Variants in TULP2 observed in about 807,000 individuals in gnomAD.
TULP2 encodes TUB like protein 2.
In TULP2, 64 loss-of-function variants were observed where a neutral mutation model predicts 60.3. That is an observed-to-expected ratio of 1.06 (90% CI 0.87 to 1.31). The LOEUF is 1.31. Among genes scored for constraint, TULP2 ranks in the 50% most tolerant of loss-of-function variants. The pLI is 0.00. For missense variants in TULP2, 652 were observed against 667.0 expected, an observed-to-expected ratio of 0.98 and a Z score of 0.25; for synonymous variants, 267 against 265.4, an observed-to-expected ratio of 1.01 and a Z score of -0.06.
At chr19:48,892,179 C>T (rs868562882) in intron 6 of TULP2, among the ~76,000 whole-genome samples, 3 of 152,212 alleles carry the variant, frequency 2.0e-5, no homozygotes, top group African/African-American at 4.8e-5. Flanking sequence ...TTACGGGTGT[C>T]GGGCTGGGGG....
intron 6 of TULP2, among the ~76,000 whole-genome samples, chr19:48,891,274 A>C (rs1454550706): frequency 6.8e-6 from 1 of 147,806 alleles, no homozygotes; most frequent in South Asian, 2.1e-4. Flanking sequence ...CAGTGAGCCG[A>C]GATTGTGCCA....
intron 6 of TULP2, among the ~76,000 whole-genome samples, chr19:48,892,527 G>A (rs1329528290): frequency 3.3e-5 from 5 of 150,450 alleles, no homozygotes; most frequent in Admixed American, 6.6e-5. Flanking sequence ...GGGGGGGGAC[G>A]GAGTCTTGCT....
intron 6 of TULP2, among the ~76,000 whole-genome samples, chr19:48,891,182 G>A (rs1382882530): frequency 6.6e-6 from 1 of 151,154 alleles, no homozygotes; most frequent in African/African-American, 2.4e-5. Flanking sequence ...AAATTAGCCG[G>A]GTGTGGTGGC....
At chr19:48,891,759 A>G (rs147108077) in intron 6 of TULP2, among the ~76,000 whole-genome samples, 12,438 of 152,170 alleles carry the variant, frequency 0.082, 1,604 homozygotes, top group African/African-American at 0.28. Context: ...ACCAGCGCTG[A>G]TCTCTGAGTT....
In TULP2 at chr19:48,888,125, G is replaced by T. The variant is rs267605577; in HGVS notation, c.773C>A (p.Ser258Tyr). The change falls in exon 8 of 13, where the codon TCC becomes TAC. Residue 258 changes from serine (S) to tyrosine (Y), a missense_variant. By Grantham distance (144) the Ser-to-Tyr change is moderately radical. Coordinates refer to ENST00000221399, the MANE Select transcript of TULP2 (RefSeq NM_003323.3). ...TDSDHMRHEA[S>Y]LAIRSPCPGL... ...AGGGCAGGGGGAGCGGATTGCCAAGGAGGCTTCGTGCCTCATATGGTCGCT... is the reference window on the plus strand; with the variant it reads ...AGGGCAGGGGGAGCGGATTGCCAAGTAGGCTTCGTGCCTCATATGGTCGCT... The T allele has an allele frequency of 6.2e-7, 1 of 1,614,206 alleles. No homozygotes were observed. The highest frequency in any genetic ancestry group is 1.7e-5 in the Admixed American group (1 of 60,016).
chr19:48,895,539 T>G (rs1263492885), intron 4 of TULP2, 36 bp from the exon 5 acceptor site: 1 of 1,578,406 alleles, frequency 6.3e-7, no homozygotes, highest in Admixed American at 1.8e-5. Flanking sequence ...GAAAACGATC[T>G]ACAAATTCCG....
In TULP2 at chr19:48,885,547, G is replaced by A; in HGVS notation, c.962C>T (p.Ala321Val). The stretch of plus-strand genomic sequence containing the variant: ...TTTGCTCCTTCTTCTCTTTCGCCCA[G>A]CCAGGAGGAAGCGCTATGGATGAGA... Reference protein sequence around the residue: ...TSDSLQRFLLAGRKRRRSKTS... With the variant: ...TSDSLQRFLLVGRKRRRSKTS... Residue 321 changes from alanine (A) to valine (V), a missense_variant, in exon 9 of 13, where the codon GCT (alanine) becomes GTT (valine). Transcript: ENST00000221399. The A allele has an allele frequency of 6.2e-7, 1 of 1,613,884 alleles. No homozygotes were observed. Among genetic ancestry groups the A allele is most frequent in the African/African-American group, 1.3e-5 (1 of 75,008 alleles).
At position 48,889,605 on chromosome 19, in the gene TULP2, A is replaced by T. The variant is rs141892843; in HGVS notation, c.541T>A (p.Ser181Thr). The T allele has an allele frequency of 1.5e-4, 240 of 1,585,250 alleles. No individual in the cohort carries two copies. The African/African-American group carries it at 2.8e-3, about 19-fold the overall frequency. The stretch of plus-strand genomic sequence containing the variant: ...TTGTGTGCATCTCCCATATCCTGGG[A>T]GTCACTCTCACCCTCTGCACGGGTC... ...PGTRAEGESDSQDMGDAHKSP... is the reference protein window; with the variant it reads ...PGTRAEGESDTQDMGDAHKSP... Residue 181 changes from serine (S) to threonine (T), a missense_variant, in exon 7 of 13, where the codon TCC becomes ACC. Physicochemically the swap from Ser to Thr is moderately conservative, Grantham distance 58. Transcript: ENST00000221399.
intron 6 of TULP2, among the ~76,000 whole-genome samples, chr19:48,893,360 ACT>A (rs2037250775): frequency 6.7e-6 from 1 of 148,554 alleles, no homozygotes; most frequent in Admixed American, 6.8e-5. Context: ...ACAGAGCAAG[ACT>A]CTGCCTCAAG....
intron 8 of TULP2, among the ~76,000 whole-genome samples, chr19:48,887,240 T>C (rs1487605696): frequency 6.7e-6 from 1 of 148,358 alleles, no homozygotes; most frequent in East Asian, 2.0e-4. Context: ...CTCGAACTCC[T>C]GACCTTGTGA....
chr19:48,883,008 A>T (rs1315736833), intron 11 of TULP2, among the ~76,000 whole-genome samples: 1 of 152,174 alleles, frequency 6.6e-6, no homozygotes, highest in Admixed American at 6.6e-5. Flanking sequence ...TCACGAGGTC[A>T]GGAGATCGAG....
intron 6 of TULP2, 27 bp downstream of exon 6, chr19:48,894,971 G>C: frequency 1.3e-6 from 2 of 1,596,854 alleles, no homozygotes. Context: ...GAGATCCCAG[G>C]TTTCACCCCA....
intron 12 of TULP2, 67 bp from the exon 13 acceptor site, chr19:48,881,193 C>CTTTTTTTTTTTT (rs749458605): frequency 3.5e-6 from 1 of 282,122 alleles, no homozygotes; most frequent in Non-Finnish European, 6.0e-6. Context: ...AGAACTGAGA[C>CTTTTTTTTTTTT]TTTTTTTTTT....
intron 8 of TULP2, 147 bp downstream of exon 8, chr19:48,887,803 C>A: frequency 1.2e-6 from 1 of 821,656 alleles, no homozygotes. Context: ...GGTGATCCAC[C>A]CGCTTCAGCC....
Position 48,896,572 on chromosome 19 carries a change from A to C in TULP2, c.85-16T>G, listed in dbSNP as rs765922948. 6.3e-7 allele frequency: 1 copy of C among 1,582,140 alleles called. No individual in the cohort carries two copies. Among genetic ancestry groups the C allele is most frequent in the South Asian group, 1.1e-5 (1 of 87,412 alleles). ...ACAGCCGCCGCTGGGGAGATGGGAG[A>C]GGTGGGTGTCCGGGACAGGAACCAG... is the stretch of plus-strand genomic sequence containing the variant. On this transcript the variant is annotated splice_polypyrimidine_tract_variant and intron_variant, in intron 3 of 12. Coordinates refer to ENST00000221399, the MANE Select transcript of TULP2 (RefSeq NM_003323.3).
intron 6 of TULP2, among the ~76,000 whole-genome samples, chr19:48,890,228 T>C (rs1407134626): frequency 2.6e-5 from 4 of 152,140 alleles, no homozygotes; most frequent in Non-Finnish European, 4.4e-5. Context: ...GGGCTGGAGG[T>C]GGGACATGCG....
intron 7 of TULP2, among the ~76,000 whole-genome samples, chr19:48,889,190 G>A (rs563973942): frequency 6.6e-6 from 1 of 151,420 alleles, no homozygotes; most frequent in South Asian, 2.1e-4. Flanking sequence ...TGGCCAGGCT[G>A]GTCACGAACT....
intron 1 of TULP2, 134 bp from the exon 2 acceptor site, chr19:48,898,003 C>T (rs774995257): frequency 3.3e-5 from 22 of 658,758 alleles, no homozygotes; most frequent in Admixed American, 4.3e-5. Flanking sequence ...AGCTGAGCCT[C>T]GCTCTGTCGC....
At chr19:48,893,027 G>C (rs2037247867) in intron 6 of TULP2, among the ~76,000 whole-genome samples, 1 of 151,988 alleles carries the variant, frequency 6.6e-6, no homozygotes, top group African/African-American at 2.4e-5. Flanking sequence ...AGGATCACTT[G>C]AGCCCAGGAG....
Sources: allele counts gnomAD v4.1 joint callset (sites outside exome capture counted in the v4.1 genomes callset), GRCh38; gene constraint gnomAD v4.1.1; transcripts MANE v1.5; gene names NCBI Gene and HGNC (gene_info 2026-07-23, HGNC 2026-07-21).